The following GRM7 variants were observed in gnomAD, a reference collection of about 807,000 sequenced individuals.
GRM7 encodes the protein metabotropic glutamate receptor 7.
GRM7 carries 35 observed loss-of-function variants against 84.5 expected under a neutral mutation model. The observed-to-expected ratio is 0.41, with a 90% confidence interval of 0.32 to 0.55. GRM7 has a LOEUF of 0.55. GRM7 is among the 20% of genes least tolerant of loss of function. The probability of loss-of-function intolerance (pLI) is 0.19; values close to 1 mark genes in which losing one functional copy is unlikely to be tolerated. For synonymous variants in GRM7, 487 were observed against 455.1 expected (o/e 1.07, Z -0.89); for missense variants, 1,003 against 1,194.6 (o/e 0.84, Z 2.36).
At chr3:7,128,454 C>G (rs993436356) in intron 1 of GRM7, among the ~76,000 whole-genome samples, 1 of 149,624 alleles carries the variant, frequency 6.7e-6, no homozygotes, top group East Asian at 2.0e-4. Flanking sequence ...TTTTACAGCT[C>G]TAGGTACTTT....
chr3:7,444,951 G>A (rs1447477065), intron 5 of GRM7, among the ~76,000 whole-genome samples: 5 of 152,104 alleles, frequency 3.3e-5, no homozygotes, highest in Admixed American at 2.6e-4. Flanking sequence ...GGATGTTAAT[G>A]GTTCAATTGC....
chr3:7,609,379 T>A (rs896933491), intron 8 of GRM7, among the ~76,000 whole-genome samples: 1 of 151,714 alleles, frequency 6.6e-6, no homozygotes, highest in African/African-American at 2.4e-5. Flanking sequence ...CATTAGTATA[T>A]AGATAGGGAT....
intron 2 of GRM7, among the ~76,000 whole-genome samples, chr3:7,244,921 A>G (rs941475201): frequency 4.1e-4 from 63 of 152,102 alleles, no homozygotes; most frequent in Middle Eastern, 3.2e-3. Flanking sequence ...AAGAACTTAC[A>G]GGGAAAGAAA....
chr3:7,365,688 T>C (rs192947901), intron 4 of GRM7, among the ~76,000 whole-genome samples: 19 of 144,962 alleles, frequency 1.3e-4, no homozygotes, highest in East Asian at 2.1e-4. Context: ...CACACACACA[T>C]ATATATACAC....
chr3:7,020,171 G>C (rs560266276), intron 1 of GRM7, among the ~76,000 whole-genome samples: 1 of 152,314 alleles, frequency 6.6e-6, no homozygotes, highest in African/African-American at 2.4e-5. Flanking sequence ...TCTAAAAAAT[G>C]TGCAAATCTC....
At chr3:7,067,738 A>T (rs1241826741) in intron 1 of GRM7, among the ~76,000 whole-genome samples, 2 of 151,972 alleles carry the variant, frequency 1.3e-5, no homozygotes, top group Non-Finnish European at 2.9e-5. Flanking sequence ...CGTAAGGGTC[A>T]TCCTGACTTG....
chr3:7,161,554 T>A (rs1278865851), intron 2 of GRM7, among the ~76,000 whole-genome samples: 1 of 152,172 alleles, frequency 6.6e-6, no homozygotes, highest in Non-Finnish European at 1.5e-5. Flanking sequence ...AGATACCTAA[T>A]GCATGCAAAT....
In GRM7 at chr3:6,916,320, G is replaced by A. The variant is rs1012242214; in HGVS notation, c.519+54413G>A. Among the ~76,000 whole-genome samples the A allele has an allele frequency of 5.3e-5, 8 of 152,152 alleles. No individual in the cohort carries two copies. The East Asian group carries it at 7.7e-4, about 15-fold the overall frequency. On this transcript the variant is annotated intron_variant, in intron 1 of 9. Coordinates refer to ENST00000357716, the MANE Select transcript of GRM7 (RefSeq NM_000844.4). The stretch of plus-strand genomic sequence containing the variant: ...GTAAAATATAAAATAAATATGTGAT[G>A]CCATAAAAGCAAGTGAAAGGAGAAC...
rs1026340758 is a variant in GRM7, at chr3:7,253,989, G to A, written c.737-44695G>A. ...AGCCCCTGTGGGATGCATTCCACGT[G>A]GATGGCTTCACAGCTTTCTCCCTCC... On this transcript the variant is annotated intron_variant, in intron 2 of 9. Coordinates refer to ENST00000357716, the MANE Select transcript of GRM7 (RefSeq NM_000844.4). Among the ~76,000 whole-genome samples the A allele has an allele frequency of 1.1e-4, 17 of 152,292 alleles. 5 individuals carry two copies. The highest frequency in any genetic ancestry group is 2.0e-4 in the Admixed American group (3 of 15,294).
chr3:6,933,010 C>T (rs62235409), intron 1 of GRM7, among the ~76,000 whole-genome samples: 11,122 of 152,062 alleles, frequency 0.073, 553 homozygotes, highest in Non-Finnish European at 0.11. Flanking sequence ...CTGCCTTGGC[C>T]TCCCAAAGTG....
intron 1 of GRM7, among the ~76,000 whole-genome samples, chr3:6,898,039 GGGTGTTCTCC>G (rs1696248478): frequency 6.6e-6 from 1 of 152,146 alleles, no homozygotes; most frequent in South Asian, 2.1e-4. Flanking sequence ...CATCTCCCAT[GGGTGTTCTCC>G]ATTGGTGAAC....
intron 5 of GRM7, among the ~76,000 whole-genome samples, chr3:7,415,868 C>T (rs140645651): frequency 1.3e-4 from 20 of 152,086 alleles, no homozygotes; most frequent in African/African-American, 4.1e-4. Flanking sequence ...ATCTCACGAA[C>T]GAATTCATAA....
chr3:7,057,126 G>C (rs1192375614), intron 1 of GRM7, among the ~76,000 whole-genome samples: 1 of 151,916 alleles, frequency 6.6e-6, no homozygotes, highest in African/African-American at 2.4e-5. Flanking sequence ...AACAAAGTAA[G>C]TGTTGCCTGT....
intron 5 of GRM7, among the ~76,000 whole-genome samples, chr3:7,417,614 C>G (rs1456971984): frequency 6.6e-6 from 1 of 152,116 alleles, no homozygotes; most frequent in African/African-American, 2.4e-5. Context: ...CACTGAAGAT[C>G]TGCGCTGTGA....
At chr3:7,443,648 TTA>T (rs2124875858) in intron 5 of GRM7, among the ~76,000 whole-genome samples, 1 of 152,292 alleles carries the variant, frequency 6.6e-6, no homozygotes. Flanking sequence ...TTGATCAGGT[TTA>T]TGTCTCTCTC....
At chr3:7,495,819 G>A (rs1234946199) in intron 7 of GRM7, among the ~76,000 whole-genome samples, 1 of 152,188 alleles carries the variant, frequency 6.6e-6, no homozygotes, top group Non-Finnish European at 1.5e-5. Context: ...AACACAAGTA[G>A]CCTGCCCTTT....
chr3:6,876,599 ATTT>A lies in GRM7; in HGVS notation c.519+14710_519+14712del, dbSNP rs34723690. 3.9e-4 allele frequency among the ~76,000 whole-genome samples: 48 copies of A among 124,118 alleles called. 1 individual carries two copies. Among genetic ancestry groups the A allele is most frequent in the African/African-American group, 1.5e-3 (47 of 32,160 alleles). The allele number at this position is 124,118 out of a possible 152,430, so 81.4% of individuals were successfully genotyped here. A position where few individuals can be genotyped will look rare whatever the true frequency, so the allele number is the denominator to read the frequency against. ...GATAAGTCAGAGGTTTTTACCACTA[ATTT>A]TTTTTTTTTTTTTTTTTGAGAAGGT... On this transcript the variant is annotated intron_variant, in intron 1 of 9. Transcript: ENST00000357716.
chr3:7,299,792 A>T (rs908406906), intron 3 of GRM7, among the ~76,000 whole-genome samples: 15 of 152,142 alleles, frequency 9.9e-5, no homozygotes, highest in African/African-American at 3.6e-4. Context: ...TAGGTACTGT[A>T]ATTTATCTAA....
At chr3:7,054,027 T>C (rs912970481) in intron 1 of GRM7, among the ~76,000 whole-genome samples, 2 of 150,956 alleles carry the variant, frequency 1.3e-5, no homozygotes, top group African/African-American at 4.8e-5. Context: ...GTTCTACAGT[T>C]TTTTCATATG....
Sources: gnomAD v4.1 joint callset for allele counts (sites outside exome capture counted in the v4.1 genomes callset) on GRCh38, gnomAD v4.1.1 for gene constraint, MANE v1.5 for transcripts, NCBI Gene and HGNC (gene_info 2026-07-23, HGNC 2026-07-21) for gene names.